Variants in SPATA16 observed in about 807,000 individuals in gnomAD.
SPATA16 encodes spermatogenesis-associated protein 16.
A neutral mutation model predicts 63.3 loss-of-function variants in SPATA16; 36 were observed. That is an observed-to-expected ratio of 0.57 (90% CI 0.44 to 0.75). SPATA16 has a LOEUF of 0.75. SPATA16 is among the 30% of genes least tolerant of loss of function. SPATA16 has a pLI of 0.00. For synonymous variants in SPATA16, 203 were observed against 216.7 expected (o/e 0.94, Z 0.56); for missense variants, 646 against 679.3 (o/e 0.95, Z 0.54).
rs796325885 is a variant in SPATA16, at chr3:173,007,773, CT to C, written c.848+11712del. Among the ~76,000 whole-genome samples, 313 of 142,584 alleles carry C rather than the reference CT, an allele frequency of 2.2e-3. 2 individuals are homozygous for C. The highest frequency in any genetic ancestry group is 2.7e-3 in the South Asian group (12 of 4,500). 93.5% of individuals were successfully genotyped at this position (142,584 alleles called of 152,430 possible). ...TTGAATTGAACTTGGTAAAATACAT[CT>C]TTTTTTTTTTTTAACAGCTGGCTTT... On this transcript the variant is annotated intron_variant, in intron 4 of 10. Transcript: ENST00000351008.
intron 6 of SPATA16, among the ~76,000 whole-genome samples, chr3:172,937,456 C>G (rs920135118): frequency 3.2e-4 from 49 of 152,278 alleles, no homozygotes; most frequent in African/African-American, 1.2e-3. Context: ...CTATTATTAT[C>G]TGTAAGAGCT....
At chr3:172,968,358 G>A (rs1014793021) in intron 5 of SPATA16, among the ~76,000 whole-genome samples, 7 of 152,196 alleles carry the variant, frequency 4.6e-5, no homozygotes, top group African/African-American at 1.7e-4. Flanking sequence ...CCTCCAGAGA[G>A]GTGGCATTGT....
rs528000260 is a variant in SPATA16, at chr3:173,023,227, A to C, written c.759-3652T>G. Among the ~76,000 whole-genome samples the C allele has an allele frequency of 8.0e-5, 12 of 150,806 alleles. No homozygotes were observed. The South Asian group carries it at 2.3e-3, about 29-fold the overall frequency. The stretch of plus-strand genomic sequence containing the variant: ...ACTGATGAGGCTCGAATATAAGTCT[A>C]TTTTGGTAATTATCTCAGGTTTCCC... On this transcript the variant is annotated intron_variant, in intron 3 of 10. Coordinates refer to ENST00000351008, the MANE Select transcript of SPATA16 (RefSeq NM_031955.6).
At chr3:172,945,977 G>A (rs887761923) in intron 6 of SPATA16, among the ~76,000 whole-genome samples, 1 of 152,144 alleles carries the variant, frequency 6.6e-6, no homozygotes, top group Non-Finnish European at 1.5e-5. Context: ...CTCTGGGAGA[G>A]ACTCCTTCCT....
chr3:173,044,443 G>C (rs760205492), intron 3 of SPATA16, among the ~76,000 whole-genome samples: 12 of 152,128 alleles, frequency 7.9e-5, no homozygotes, highest in Non-Finnish European at 1.3e-4. Context: ...ATCTCCATTT[G>C]GTTCTTCCCA....
intron 10 of SPATA16, among the ~76,000 whole-genome samples, chr3:172,905,511 C>G (rs1008058008): frequency 1.3e-5 from 2 of 152,214 alleles, no homozygotes; most frequent in Non-Finnish European, 1.5e-5. Flanking sequence ...CCTCAACCAA[C>G]TGCCCCTGCC....
chr3:172,926,706 C>T (rs565455139), intron 6 of SPATA16, among the ~76,000 whole-genome samples: 1 of 152,276 alleles, frequency 6.6e-6, no homozygotes, highest in Admixed American at 6.5e-5. Context: ...AGGTTACAAA[C>T]ATACCCAAGA....
intron 10 of SPATA16, among the ~76,000 whole-genome samples, chr3:172,891,047 T>C (rs570436660): frequency 6.7e-6 from 1 of 148,534 alleles, no homozygotes; most frequent in Admixed American, 6.7e-5. Flanking sequence ...AATAAGACAT[T>C]AAAAAATTAA....
chr3:173,073,779 G>A (rs542230912), intron 2 of SPATA16, among the ~76,000 whole-genome samples: 2 of 152,278 alleles, frequency 1.3e-5, no homozygotes, highest in African/African-American at 4.8e-5. Context: ...TGTGAGAAGT[G>A]GGCCACCATC....
At chr3:172,929,837 A>G (rs2109584821) in intron 6 of SPATA16, among the ~76,000 whole-genome samples, 1 of 152,356 alleles carries the variant, frequency 6.6e-6, no homozygotes, top group Non-Finnish European at 1.5e-5. Flanking sequence ...TAGTTAAAAT[A>G]GAGCAAATAT....
At chr3:172,961,065 T>TCTTTCTTC (rs1553786396) in intron 5 of SPATA16, among the ~76,000 whole-genome samples, 696 of 40,162 alleles carry the variant, frequency 0.017, 37 homozygotes, top group African/African-American at 0.036. Context: ...CTTTCTTTCT[T>TCTTTCTTC]CTTTCTTCCT....
chr3:172,992,940 A>G (rs1734612472), intron 4 of SPATA16, among the ~76,000 whole-genome samples: 1 of 152,210 alleles, frequency 6.6e-6, no homozygotes, highest in Non-Finnish European at 1.5e-5. Flanking sequence ...ATCACTTGAT[A>G]GAGGCAATTC....
chr3:173,022,744 GAA>G (rs34736596), intron 3 of SPATA16, among the ~76,000 whole-genome samples: 3 of 140,746 alleles, frequency 2.1e-5, no homozygotes, highest in Admixed American at 7.2e-5. Context: ...CAGTTACAGT[GAA>G]AAAAAAAAAA....
chr3:173,068,349 A>T (rs909648972), intron 2 of SPATA16, among the ~76,000 whole-genome samples: 3 of 152,206 alleles, frequency 2.0e-5, no homozygotes, highest in African/African-American at 7.2e-5. Context: ...AAAGTGGGAG[A>T]AAACGGTTGA....
intron 2 of SPATA16, among the ~76,000 whole-genome samples, chr3:173,077,175 C>T (rs916617353): frequency 6.6e-6 from 1 of 152,020 alleles, no homozygotes; most frequent in African/African-American, 2.4e-5. Flanking sequence ...AATAATTCTT[C>T]TAATTTAAAA....
intron 8 of SPATA16, among the ~76,000 whole-genome samples, chr3:172,917,074 T>C (rs1732510407): frequency 6.6e-6 from 1 of 152,164 alleles, no homozygotes; most frequent in South Asian, 2.1e-4. Context: ...TTTCAACAAC[T>C]AACATGTTCC....
chr3:173,007,399 A>T (rs1210981625), intron 4 of SPATA16, among the ~76,000 whole-genome samples: 1 of 152,204 alleles, frequency 6.6e-6, no homozygotes, highest in Non-Finnish European at 1.5e-5. Context: ...GTAAACAGAA[A>T]GACACTGTCA....
chr3:173,139,902 T>C (rs1349994855), intron 1 of SPATA16, among the ~76,000 whole-genome samples: 1 of 152,132 alleles, frequency 6.6e-6, no homozygotes, highest in East Asian at 1.9e-4. Flanking sequence ...GGAGAATCAC[T>C]TGGACCCAGG....
chr3:172,951,907 C>A (rs1400307615), intron 6 of SPATA16, among the ~76,000 whole-genome samples: 8 of 152,222 alleles, frequency 5.3e-5, no homozygotes, highest in Non-Finnish European at 2.9e-5. Flanking sequence ...CATCCAAAAT[C>A]TTCAAGGTAC....
Sources: gnomAD v4.1 joint callset for allele counts (sites outside exome capture counted in the v4.1 genomes callset) on GRCh38, gnomAD v4.1.1 for gene constraint, MANE v1.5 for transcripts, NCBI Gene and HGNC (gene_info 2026-07-23, HGNC 2026-07-21) for gene names.